Variants in CA10 observed in about 807,000 individuals in gnomAD.
CA10 encodes the protein carbonic anhydrase 10 (inactive).
A neutral mutation model predicts 44.2 loss-of-function variants in CA10; 14 were observed. That is an observed-to-expected ratio of 0.32 (90% CI 0.21 to 0.50). CA10 has a LOEUF of 0.50. Ranked by LOEUF, CA10 falls within the 20% of genes least tolerant of loss-of-function variation. CA10 has a pLI of 0.99. For synonymous variants in CA10, 159 were observed against 141.6 expected, an observed-to-expected ratio of 1.12 and a Z score of -0.87; for missense variants, 350 against 409.7, an observed-to-expected ratio of 0.85 and a Z score of 1.26.
At chr17:51,847,694 G>A (rs1212153806) in intron 3 of CA10, among the ~76,000 whole-genome samples, 2 of 152,168 alleles carry the variant, frequency 1.3e-5, no homozygotes, top group African/African-American at 2.4e-5. Flanking sequence ...TATTTGTGCA[G>A]CATGCTGGGG....
intron 2 of CA10, among the ~76,000 whole-genome samples, chr17:51,984,320 G>A (rs886356717): frequency 6.6e-6 from 1 of 151,726 alleles, no homozygotes; most frequent in Admixed American, 6.6e-5. Flanking sequence ...CAAAAATAAT[G>A]ACACAACCTA....
At chr17:51,985,835 A>G (rs531196097) in intron 2 of CA10, among the ~76,000 whole-genome samples, 8 of 152,144 alleles carry the variant, frequency 5.3e-5, no homozygotes, top group Admixed American at 2.0e-4. Flanking sequence ...ACTACAAAAC[A>G]CTGCTGAAAG....
intron 3 of CA10, among the ~76,000 whole-genome samples, chr17:51,914,274 T>C (rs202118): frequency 0.71 from 107,176 of 151,692 alleles, 38,184 homozygotes; most frequent in African/African-American, 0.74. Flanking sequence ...GAGAGCACCA[T>C]TGCCATTTTT....
At chr17:52,079,041 C>T (rs906675146) in intron 1 of CA10, among the ~76,000 whole-genome samples, 5 of 152,148 alleles carry the variant, frequency 3.3e-5, no homozygotes, top group Admixed American at 1.3e-4. Flanking sequence ...AATCCCAGCA[C>T]TCTGGGAGGC....
At chr17:52,151,142 C>G (rs759608756) in intron 1 of CA10, among the ~76,000 whole-genome samples, 3 of 152,030 alleles carry the variant, frequency 2.0e-5, no homozygotes, top group Non-Finnish European at 4.4e-5. Flanking sequence ...CCTTAGCTCC[C>G]CATTAGCTAG....
At chr17:51,644,664 G>A (rs1042261901) in intron 6 of CA10, among the ~76,000 whole-genome samples, 1 of 151,970 alleles carries the variant, frequency 6.6e-6, no homozygotes, top group Admixed American at 6.6e-5. Flanking sequence ...TTCATCCACA[G>A]TCTCCCCATC....
At chr17:51,827,080 C>T (rs1908037002) in intron 3 of CA10, among the ~76,000 whole-genome samples, 1 of 152,156 alleles carries the variant, frequency 6.6e-6, no homozygotes, top group Non-Finnish European at 1.5e-5. Flanking sequence ...AACCTGGACC[C>T]AGCAGACAGC....
intron 3 of CA10, among the ~76,000 whole-genome samples, chr17:51,823,231 G>A (rs963429485): frequency 1.1e-4 from 17 of 152,298 alleles, no homozygotes; most frequent in South Asian, 8.3e-4. Flanking sequence ...ATGCCCAGGC[G>A]GTCACATCAG....
At chr17:51,930,386 G>C (rs1302328157) in intron 3 of CA10, among the ~76,000 whole-genome samples, 1 of 152,082 alleles carries the variant, frequency 6.6e-6, no homozygotes. Context: ...GGGCACTTGT[G>C]CCCTTCCACA....
intron 4 of CA10, among the ~76,000 whole-genome samples, chr17:51,697,274 C>T (rs1257430654): frequency 6.6e-6 from 1 of 152,188 alleles, no homozygotes; most frequent in East Asian, 1.9e-4. Flanking sequence ...TTGGGCTTCC[C>T]ATTCATCTCT....
At chr17:51,887,072 A>G (rs956758814) in intron 3 of CA10, among the ~76,000 whole-genome samples, 1 of 152,126 alleles carries the variant, frequency 6.6e-6, no homozygotes, top group African/African-American at 2.4e-5. Context: ...TGGCATCCCT[A>G]ATAATGTAAA....
At chr17:51,639,102 A>G (rs1448565854) in intron 6 of CA10, among the ~76,000 whole-genome samples, 4 of 152,218 alleles carry the variant, frequency 2.6e-5, no homozygotes, top group Admixed American at 2.0e-4. Context: ...GATTGAAGCC[A>G]AGGAGTAGCA....
intron 2 of CA10, among the ~76,000 whole-genome samples, chr17:51,997,163 C>A (rs979988148): frequency 1.3e-5 from 2 of 152,070 alleles, no homozygotes; most frequent in African/African-American, 4.8e-5. Flanking sequence ...TCCCCGCTAT[C>A]ATCTTTCTCA....
intron 4 of CA10, among the ~76,000 whole-genome samples, chr17:51,697,111 A>G (rs374465793): frequency 7.9e-5 from 12 of 151,376 alleles, no homozygotes; most frequent in African/African-American, 2.4e-4. Context: ...ACCGTGTTAG[A>G]GCTGAACTGT....
chr17:52,029,606 T>C lies in CA10; in HGVS notation c.136+42713A>G, dbSNP rs201046632. Among the ~76,000 whole-genome samples, 37 of 150,904 alleles carry C rather than the reference T, an allele frequency of 2.5e-4. 1 individual carries two copies. In the East Asian group the frequency reaches 7.4e-3, roughly 30 times the overall value. ...TTTCTCATCTGTAAAACACCAAAGA[T>C]TGCCATCCCCATCACTGTTGTGGAA... On this transcript the variant is annotated intron_variant, in intron 2 of 8. Transcript: ENST00000451037.
intron 3 of CA10, among the ~76,000 whole-genome samples, chr17:51,845,213 G>T (rs910499835): frequency 1.3e-5 from 2 of 152,174 alleles, no homozygotes; most frequent in African/African-American, 2.4e-5. Flanking sequence ...CCACCAGTTT[G>T]TGTCACTTTG....
chr17:51,762,421 G>T (rs534896485), intron 3 of CA10: 1 of 152,210 alleles, frequency 6.6e-6, no homozygotes, highest in Admixed American at 6.5e-5. Flanking sequence ...CTTTGAGCAC[G>T]GGTAGGATGT....
At chr17:51,983,216 C>T (rs1175390612) in intron 2 of CA10, among the ~76,000 whole-genome samples, 3 of 151,834 alleles carry the variant, frequency 2.0e-5, no homozygotes, top group African/African-American at 7.2e-5. Flanking sequence ...TGTTCCCTGT[C>T]AGCTTTCTTC....
intron 4 of CA10, among the ~76,000 whole-genome samples, chr17:51,657,860 G>A (rs1043401477): frequency 6.6e-6 from 1 of 152,192 alleles, no homozygotes; most frequent in African/African-American, 2.4e-5. Context: ...GGCTAATGAT[G>A]ACATGCTAAT....
Sources: gnomAD v4.1 joint callset for allele counts (sites outside exome capture counted in the v4.1 genomes callset) on GRCh38, gnomAD v4.1.1 for gene constraint, MANE v1.5 for transcripts, NCBI Gene and HGNC (gene_info 2026-07-23, HGNC 2026-07-21) for gene names.